The following SLC31A2 variants were observed in gnomAD, a reference collection of about 807,000 sequenced individuals.
The protein encoded by SLC31A2 is protein SLC31A2.
A neutral mutation model predicts 14.4 loss-of-function variants in SLC31A2; 16 were observed. The observed-to-expected ratio is 1.11, with a 90% CI of 0.75 to 1.69. SLC31A2 has a LOEUF of 1.69. SLC31A2 is among the 40% of genes most tolerant of loss of function. SLC31A2 has a pLI of 0.00. For synonymous variants in SLC31A2, 56 were observed against 68.7 expected, an observed-to-expected ratio of 0.82 and a Z score of 0.91; for missense variants, 140 against 173.9, an observed-to-expected ratio of 0.81 and a Z score of 1.10.
chr9:113,156,914 C>T (rs931185087), intron 1 of SLC31A2, among the ~76,000 whole-genome samples: 4 of 152,184 alleles, frequency 2.6e-5, no homozygotes, highest in African/African-American at 9.6e-5. Context: ...AGCTTTGTGA[C>T]CACCAGTAAA....
chr9:113,159,490 T>C (rs1378243398), intron 2 of SLC31A2, among the ~76,000 whole-genome samples: 1 of 152,174 alleles, frequency 6.6e-6, no homozygotes. Flanking sequence ...TACATGAAAT[T>C]ACCTATAATT....
chr9:113,152,532 A>G (rs1053327638), intron 1 of SLC31A2, among the ~76,000 whole-genome samples: 2 of 152,166 alleles, frequency 1.3e-5, no homozygotes, highest in African/African-American at 4.8e-5. Flanking sequence ...GAACCATCCT[A>G]GCCAACTGCT....
chr9:113,153,579 C>G (rs7028143), intron 1 of SLC31A2, among the ~76,000 whole-genome samples: 57,958 of 152,098 alleles, frequency 0.38, 12,474 homozygotes, highest in Non-Finnish European at 0.49. Flanking sequence ...ATGTACCTTC[C>G]TTGTTAAAGA....
intron 2 of SLC31A2, among the ~76,000 whole-genome samples, chr9:113,160,846 G>A (rs545769018): frequency 3.3e-5 from 5 of 152,194 alleles, no homozygotes; most frequent in Admixed American, 6.5e-5. Flanking sequence ...GGTTCTAGAA[G>A]TCGTGTGCCA....
intron 2 of SLC31A2, chr9:113,160,969 C>T (rs752082131): frequency 6.6e-6 from 1 of 152,362 alleles, no homozygotes; most frequent in Non-Finnish European, 1.5e-5. Flanking sequence ...TAGTAATTAA[C>T]AGTTAATTTT....
At position 113,151,566 on chromosome 9, in the gene SLC31A2, G is replaced by T. The variant is rs181400393; in HGVS notation, c.6+486G>T. The T allele has an allele frequency of 2.6e-4, 40 of 156,252 alleles. No homozygotes were observed. The highest frequency in any genetic ancestry group is 9.7e-4 in the Admixed American group (15 of 15,388). The allele number at this position is 156,252 out of a possible 1,614,324, so 9.7% of individuals were successfully genotyped here. On this transcript the variant is annotated intron_variant, in intron 1 of 3. Transcript: ENST00000259392. This position sits in a 1 kb window ranked among gnomAD's most constrained non-coding sequence, Gnocchi z 4.2. ...CAAGTTTGTAGCCTGATTCTTCGGG[G>T]AATAAAACAGAACCAGCTACTTTCC... is the stretch of plus-strand genomic sequence containing the variant.
chr9:113,159,682 C>T (rs10981657), intron 2 of SLC31A2, among the ~76,000 whole-genome samples: 3 of 152,182 alleles, frequency 2.0e-5, no homozygotes, highest in Non-Finnish European at 2.9e-5. Context: ...AAATCTGACA[C>T]TAACCAGAGT....
In SLC31A2 at chr9:113,151,250, T is replaced by C. The variant is rs1257581071; in HGVS notation, c.6+170T>C. 6.6e-6 allele frequency among the ~76,000 whole-genome samples: 1 copy of C among 152,054 alleles called. No individual in the cohort carries two copies. Among genetic ancestry groups the C allele is most frequent in the Non-Finnish European group, 1.5e-5 (1 of 67,994 alleles). The stretch of plus-strand genomic sequence containing the variant: ...GGTTGGGGGACGCGGCAGGTATAGG[T>C]TGCGGTGGCTCTGTGGTTTTCCTCT... On this transcript the variant is annotated intron_variant, in intron 1 of 3. Transcript: ENST00000259392. This position sits in a 1 kb window ranked among gnomAD's most constrained non-coding sequence, Gnocchi z 4.2.
intron 1 of SLC31A2, among the ~76,000 whole-genome samples, chr9:113,153,656 G>A (rs541725915): frequency 3.9e-5 from 6 of 152,320 alleles, no homozygotes; most frequent in East Asian, 3.9e-4. Flanking sequence ...GAAGGTGAAC[G>A]TGGTACAGGC....
chr9:113,161,248 G>A, intron 2 of SLC31A2: 1 of 482,800 alleles, frequency 2.1e-6, no homozygotes, highest in South Asian at 2.7e-5. Context: ...AGCCTGCTGG[G>A]GGAGTGGGTG....
At chr9:113,162,698 CCTCATTACCAG>C in intron 3 of SLC31A2, 40 bp from the exon 4 acceptor site, 3 of 1,543,202 alleles carry the variant, frequency 1.9e-6, no homozygotes, top group Non-Finnish European at 1.8e-6. Flanking sequence ...CTCCCAGCTT[CCTCATTACCAG>C]CTCATTACCA....
At chr9:113,156,705 G>A (rs561149187) in intron 1 of SLC31A2, among the ~76,000 whole-genome samples, 1 of 152,168 alleles carries the variant, frequency 6.6e-6, no homozygotes, top group African/African-American at 2.4e-5. Context: ...TCCCTGAGAG[G>A]GTGAACTAAC....
chr9:113,153,035 G>A (rs561512878), intron 1 of SLC31A2, among the ~76,000 whole-genome samples: 2 of 152,180 alleles, frequency 1.3e-5, no homozygotes, highest in South Asian at 4.2e-4. Context: ...GGCCATCTCC[G>A]GTGTAAATGG....
intron 1 of SLC31A2, among the ~76,000 whole-genome samples, chr9:113,153,117 A>AT (rs778008105): frequency 1.1e-5 from 1 of 94,138 alleles, no homozygotes; most frequent in South Asian, 3.6e-4. Context: ...CTGTGTCAAA[A>AT]TGTTTTTTTT....
intron 1 of SLC31A2, among the ~76,000 whole-genome samples, chr9:113,157,386 G>A (rs1053790335): frequency 1.3e-5 from 2 of 152,216 alleles, no homozygotes; most frequent in African/African-American, 4.8e-5. Flanking sequence ...TCCCGGGGGG[G>A]TAAGAAGAGG....
In SLC31A2 at chr9:113,162,834, T is replaced by C. The variant is rs1341159859; in HGVS notation, c.349T>C (p.Tyr117His). ...GYFIMLAVMS[Y>H]NTWIFLGVVL... Reference sequence around the variant, plus strand: ...CTTCATCATGCTGGCCGTAATGTCCTACAACACCTGGATTTTCCTTGGTGT... The same window carrying C: ...CTTCATCATGCTGGCCGTAATGTCCCACAACACCTGGATTTTCCTTGGTGT... Residue 117 changes from tyrosine to histidine, a missense_variant, in exon 4 of 4, where the codon TAC (tyrosine) becomes CAC (histidine). Coordinates refer to ENST00000259392, the MANE Select transcript of SLC31A2 (RefSeq NM_001860.3). 1 of 1,613,844 alleles carries C rather than the reference T, an allele frequency of 6.2e-7. No individual in the cohort carries two copies.
In SLC31A2 at chr9:113,161,525, G is replaced by A. The variant is rs138093952; in HGVS notation, c.90G>A (p.Val30=). Residue 30 remains valine, a synonymous_variant, in exon 3 of 4, where the codon GTG becomes GTA. Coordinates refer to ENST00000259392, the MANE Select transcript of SLC31A2 (RefSeq NM_001860.3). ...CTTTGACAGGCATGGCCCTTTCGGT[G>A]TTGGTGCTCCTGCTTCTGGCTGTAC... is the stretch of plus-strand genomic sequence containing the variant. ...VHSPAGMALS[V]LVLLLLAVLY... 6.0e-5 allele frequency: 97 copies of A among 1,614,016 alleles called. No individual in the cohort carries two copies. The African/African-American group carries it at 8.9e-4, about 15-fold the overall frequency.
At chr9:113,161,323 T>G in intron 2 of SLC31A2, 186 bp from the exon 3 acceptor site, 1 of 607,610 alleles carries the variant, frequency 1.6e-6, no homozygotes. Context: ...CTCTTCCTGA[T>G]CTCAAAGCCA....
chr9:113,161,818 G>A (rs1394420732), intron 3 of SLC31A2, 120 bp downstream of exon 3: 1 of 1,139,366 alleles, frequency 8.8e-7, no homozygotes, highest in Non-Finnish European at 1.3e-6. Context: ...GGAAGGACCA[G>A]GACTTGCCAA....
Sources: allele counts gnomAD v4.1 joint callset (sites outside exome capture counted in the v4.1 genomes callset), GRCh38; gene constraint gnomAD v4.1.1; non-coding constraint Gnocchi (gnomAD v3.1); transcripts MANE v1.5; gene names NCBI Gene and HGNC (gene_info 2026-07-23, HGNC 2026-07-21).